Variants in C17orf67 observed in about 807,000 individuals in gnomAD.
C17orf67 encodes uncharacterized protein C17orf67.
In C17orf67, 12 loss-of-function variants were observed where a neutral mutation model predicts 11.2. The observed-to-expected ratio is 1.07, with a 90% CI of 0.68 to 1.73. The LOEUF is 1.73. C17orf67 is among the 40% of genes most tolerant of loss of function. The pLI is 0.00. For missense variants in C17orf67, 115 were observed against 113.5 expected (o/e 1.01, Z -0.06); for synonymous variants, 59 against 46.9 (o/e 1.26, Z -1.05).
At chr17:56,814,789 TG>T in intron 6 of C17orf67, 79 bp downstream of exon 6, 1 of 1,359,678 alleles carries the variant, frequency 7.4e-7, no homozygotes, top group Non-Finnish European at 1.1e-6. Context: ...CAGCCCATGC[TG>T]GGACCAACAC....
chr17:56,815,077 G>C, intron 5 of C17orf67, 108 bp from the exon 6 acceptor site: 3 of 928,752 alleles, frequency 3.2e-6, no homozygotes, highest in Admixed American at 3.5e-5. Context: ...GTTAAAACAT[G>C]AAAGTTCTTT....
At chr17:56,800,335 G>A (rs1255022485) in intron 6 of C17orf67, among the ~76,000 whole-genome samples, 1 of 152,194 alleles carries the variant, frequency 6.6e-6, no homozygotes, top group East Asian at 1.9e-4. Flanking sequence ...AAAGTGCTGG[G>A]ATTACAGGCG....
Position 56,795,155 on chromosome 17 carries a change from A to T in C17orf67, c.182T>A (p.Leu61Gln), listed in dbSNP as rs752689174. 4.3e-6 allele frequency: 7 copies of T among 1,614,064 alleles called. No homozygotes were observed. The Admixed American group carries it at 1.2e-4, about 27-fold the overall frequency. The change falls in exon 7 of 8, where the codon CTG (leucine) becomes CAG (glutamine). Residue 61 changes from leucine to glutamine, a missense_variant. Leu to Gln is a moderately radical substitution (Grantham distance 113). Transcript: ENST00000397861. ...MREYMHHLLA[L>Q]EHRAEEQFLE... ...GAACTGCTCCTCAGCGCGATGCTCC[A>T]GGGCGAGCAGGTGGTGCATGTATTC...
At chr17:56,800,063 T>TTC (rs1905284509) in intron 6 of C17orf67, among the ~76,000 whole-genome samples, 1 of 140,462 alleles carries the variant, frequency 7.1e-6, no homozygotes, top group Non-Finnish European at 1.6e-5. Context: ...AACTAATTTT[T>TTC]TTTTTTTTTT....
chr17:56,818,757 A>T (rs1187236708), intron 4 of C17orf67, among the ~76,000 whole-genome samples: 1 of 152,212 alleles, frequency 6.6e-6, no homozygotes, highest in Non-Finnish European at 1.5e-5. Flanking sequence ...GAGAGATTTT[A>T]TGCCTTTTTT....
chr17:56,794,021 G>T (rs1309332362), intron 7 of C17orf67, among the ~76,000 whole-genome samples: 1 of 152,072 alleles, frequency 6.6e-6, no homozygotes, highest in Admixed American at 6.5e-5. Context: ...GTGCAACACG[G>T]TCCACATAAA....
chr17:56,812,335 CCCACTGGGTG>C (rs1905650326), intron 6 of C17orf67, among the ~76,000 whole-genome samples: 1 of 152,182 alleles, frequency 6.6e-6, no homozygotes, highest in Admixed American at 6.5e-5. Context: ...CTGGTCTGTA[CCCACTGGGTG>C]CCAAAAGCAA....
At chr17:56,810,795 C>A (rs944200246) in intron 6 of C17orf67, among the ~76,000 whole-genome samples, 1 of 152,276 alleles carries the variant, frequency 6.6e-6, no homozygotes, top group African/African-American at 2.4e-5. Context: ...AAACCTGAGG[C>A]CACTGCCTCT....
intron 6 of C17orf67, among the ~76,000 whole-genome samples, chr17:56,800,058 ATTTTTTT>A (rs772880968): frequency 4.2e-5 from 4 of 96,294 alleles, no homozygotes; most frequent in Admixed American, 1.3e-4. Context: ...TTGCAAACTA[ATTTTTTT>A]TTTTTTTTTT....
intron 2 of C17orf67, among the ~76,000 whole-genome samples, chr17:56,829,859 A>C (rs374290842): frequency 2.4e-4 from 37 of 152,302 alleles, no homozygotes; most frequent in African/African-American, 7.9e-4. Context: ...ATGCTCTGTA[A>C]ATATTATTTA....
At chr17:56,802,107 T>C (rs1171072736) in intron 6 of C17orf67, among the ~76,000 whole-genome samples, 1 of 152,220 alleles carries the variant, frequency 6.6e-6, no homozygotes, top group Non-Finnish European at 1.5e-5. Context: ...TAAAGTTTTG[T>C]GCCAAATAAG....
intron 6 of C17orf67, among the ~76,000 whole-genome samples, chr17:56,812,513 A>T (rs1409679283): frequency 2.6e-5 from 4 of 152,186 alleles, no homozygotes; most frequent in African/African-American, 9.6e-5. Context: ...TGTAAAACAT[A>T]TGACCACTTT....
At chr17:56,805,971 CTTT>C (rs10684052) in intron 6 of C17orf67, among the ~76,000 whole-genome samples, 5 of 98,024 alleles carry the variant, frequency 5.1e-5, no homozygotes, top group Non-Finnish European at 7.6e-5. Flanking sequence ...GTTGATTTTC[CTTT>C]TTTTTTTTTT....
At chr17:56,810,495 T>C (rs1905596440) in intron 6 of C17orf67, among the ~76,000 whole-genome samples, 1 of 151,760 alleles carries the variant, frequency 6.6e-6, no homozygotes, top group Non-Finnish European at 1.5e-5. Flanking sequence ...ACATACACAA[T>C]ACTGGCAGCC....
chr17:56,809,991 T>TCA (rs567142050), intron 6 of C17orf67, among the ~76,000 whole-genome samples: 162 of 115,562 alleles, frequency 1.4e-3, no homozygotes, highest in Middle Eastern at 8.3e-3. Flanking sequence ...CACAGACCCT[T>TCA]CACACACACA....
intron 6 of C17orf67, among the ~76,000 whole-genome samples, chr17:56,803,630 T>A (rs1436711599): frequency 1.3e-5 from 2 of 152,130 alleles, no homozygotes; most frequent in African/African-American, 2.4e-5. Context: ...ATGAAATAAC[T>A]GTTCTTTCCC....
intron 6 of C17orf67, among the ~76,000 whole-genome samples, chr17:56,802,271 G>A (rs1046898594): frequency 2.6e-5 from 4 of 152,114 alleles, no homozygotes; most frequent in African/African-American, 9.7e-5. Flanking sequence ...GTAGGAGGAG[G>A]GAGAGGCCAG....
intron 6 of C17orf67, among the ~76,000 whole-genome samples, chr17:56,810,564 G>A (rs774983651): frequency 8.5e-5 from 13 of 152,208 alleles, no homozygotes; most frequent in Non-Finnish European, 1.3e-4. Context: ...ACATCTGTGC[G>A]CAGCTGTTCT....
intron 6 of C17orf67, among the ~76,000 whole-genome samples, chr17:56,796,348 A>G (rs947726645): frequency 4.6e-5 from 7 of 152,270 alleles, no homozygotes; most frequent in Non-Finnish European, 8.8e-5. Flanking sequence ...ATATAATGGA[A>G]TATTATTTGG....
Sources: gnomAD v4.1 joint callset for allele counts (sites outside exome capture counted in the v4.1 genomes callset) on GRCh38, gnomAD v4.1.1 for gene constraint, MANE v1.5 for transcripts, NCBI Gene and HGNC (gene_info 2026-07-23, HGNC 2026-07-21) for gene names.